Variants in ARNT2 observed in about 807,000 individuals in gnomAD.
ARNT2 encodes the protein aryl hydrocarbon receptor nuclear translocator 2.
Under a neutral mutation model 91.7 loss-of-function variants are expected in ARNT2, and 36 were observed. That is an observed-to-expected ratio of 0.39 (90% CI 0.30 to 0.52). The LOEUF (loss-of-function observed/expected upper bound fraction) is 0.52, where lower values mean the gene tolerates loss of function less well. Ranked by LOEUF, ARNT2 falls within the 20% of genes least tolerant of loss-of-function variation. ARNT2 has a pLI of 0.72. For missense variants in ARNT2, 775 were observed against 939.3 expected (o/e 0.83, Z 2.29); for synonymous variants, 365 against 347.1 (o/e 1.05, Z -0.57).
intron 2 of ARNT2, among the ~76,000 whole-genome samples, chr15:80,454,775 C>G (rs1473290755): frequency 6.6e-6 from 1 of 152,186 alleles, no homozygotes; most frequent in Non-Finnish European, 1.5e-5. Flanking sequence ...TTTGATGAAG[C>G]ATTATTATGA....
intron 2 of ARNT2, among the ~76,000 whole-genome samples, chr15:80,451,656 A>G (rs1896393068): frequency 6.6e-6 from 1 of 152,016 alleles, no homozygotes; most frequent in Admixed American, 6.6e-5. Flanking sequence ...CCAACCAACC[A>G]ACCAACCAAC....
chr15:80,432,129 ATC>A (rs1896019871), intron 1 of ARNT2, among the ~76,000 whole-genome samples: 1 of 152,240 alleles, frequency 6.6e-6, no homozygotes, highest in East Asian at 1.9e-4. Context: ...AAAATGCAGC[ATC>A]TGTTTCCCAT....
chr15:80,499,353 C>G (rs527726788), intron 5 of ARNT2, among the ~76,000 whole-genome samples: 10 of 152,260 alleles, frequency 6.6e-5, no homozygotes, highest in Admixed American at 3.3e-4. Flanking sequence ...GAATACCTAG[C>G]CCTTAGTAGA....
intron 11 of ARNT2, among the ~76,000 whole-genome samples, chr15:80,557,386 C>A (rs1449796020): frequency 2.0e-5 from 3 of 152,190 alleles, no homozygotes; most frequent in African/African-American, 7.2e-5. Flanking sequence ...GACTCCAGCC[C>A]AGACTGTCCC....
Position 80,580,505 on chromosome 15 carries a change from A to T in ARNT2, c.1708A>T (p.Ser570Cys). 1 of 1,614,186 alleles carries T rather than the reference A, an allele frequency of 6.2e-7. No individual in the cohort carries two copies. Among genetic ancestry groups the T allele is most frequent in the Non-Finnish European group, 8.5e-7 (1 of 1,180,028 alleles). The change falls in exon 16 of 19, where the codon AGT becomes TGT. Residue 570 changes from serine to cysteine, a missense_variant. Ser to Cys is a moderately radical substitution (Grantham distance 112, BLOSUM62 -1). Around this residue, in one of 5 missense-constraint regions of ARNT2, gnomAD observed 325 missense variants for 359.9 expected, o/e 0.90. Transcript: ENST00000303329. ...CCAAATCTCCCGGCAGCTAAACCAG[A>T]GTCAGGTGGCATGGACAGGGAGTCG... is the stretch of plus-strand genomic sequence containing the variant. ...MSQISRQLNQ[S>C]QVAWTGSRPP...
chr15:80,407,444 G>A (rs1286189409), intron 1 of ARNT2, among the ~76,000 whole-genome samples: 1 of 152,168 alleles, frequency 6.6e-6, no homozygotes, highest in Admixed American at 6.5e-5. Context: ...GGGGTTTTAG[G>A]TTAGGATTCT....
intron 6 of ARNT2, among the ~76,000 whole-genome samples, chr15:80,509,560 A>T (rs1897315586): frequency 6.6e-6 from 1 of 152,202 alleles, no homozygotes; most frequent in East Asian, 1.9e-4. Context: ...AAGTAAATAT[A>T]TGGAACATCA....
rs567364642 is a variant in ARNT2, at chr15:80,422,977, G to A, written c.31+18431G>A. The stretch of plus-strand genomic sequence containing the variant: ...AGAATAAAAATTTTAAAAAGAAAAC[G>A]TGTTCCTAACTTACGTATCATACTT... On this transcript the variant is annotated intron_variant, in intron 1 of 18. Coordinates refer to ENST00000303329, the MANE Select transcript of ARNT2 (RefSeq NM_014862.4). Among the ~76,000 whole-genome samples, 8 of 152,230 alleles carry A rather than the reference G, an allele frequency of 5.3e-5. No individual in the cohort carries two copies. The East Asian group carries it at 7.7e-4, about 15-fold the overall frequency.
Position 80,450,484 on chromosome 15 carries a change from G to C in ARNT2, c.32-396G>C, listed in dbSNP as rs186017270. Among the ~76,000 whole-genome samples, 170 of 152,338 alleles carry C rather than the reference G, an allele frequency of 1.1e-3. 1 individual carries two copies. The highest frequency in any genetic ancestry group is 1.9e-3 in the Non-Finnish European group (132 of 68,032). ...GCAGCAGGGCGTTGCCTCTCAGGGCGTGTGCCCCATCTGGGTTACCAGGAG... is the reference window on the plus strand; with the variant it reads ...GCAGCAGGGCGTTGCCTCTCAGGGCCTGTGCCCCATCTGGGTTACCAGGAG... On this transcript the variant is annotated intron_variant, in intron 1 of 18. Coordinates refer to ENST00000303329, the MANE Select transcript of ARNT2 (RefSeq NM_014862.4).
chr15:80,429,349 C>T (rs1031551447), intron 1 of ARNT2, among the ~76,000 whole-genome samples: 23 of 152,200 alleles, frequency 1.5e-4, no homozygotes, highest in South Asian at 6.2e-4. Flanking sequence ...GATTTAATCT[C>T]TCGCACCTTC....
intron 12 of ARNT2, among the ~76,000 whole-genome samples, chr15:80,566,591 C>G (rs183863501): frequency 3.3e-5 from 5 of 152,232 alleles, no homozygotes; most frequent in African/African-American, 9.6e-5. Flanking sequence ...CCCTGCCAGA[C>G]GTGTCTGTGG....
At chr15:80,539,699 T>C (rs577539065) in intron 8 of ARNT2, among the ~76,000 whole-genome samples, 10 of 152,154 alleles carry the variant, frequency 6.6e-5, no homozygotes, top group African/African-American at 1.9e-4. Flanking sequence ...CCTAATCCAG[T>C]CACTGGAAAA....
intron 2 of ARNT2, among the ~76,000 whole-genome samples, chr15:80,456,688 G>T (rs1415864728): frequency 6.6e-6 from 1 of 152,072 alleles, no homozygotes; most frequent in Admixed American, 6.5e-5. Flanking sequence ...GCCATTTCCT[G>T]GTAACCTGGG....
In ARNT2 at chr15:80,456,038, T is replaced by G. The variant is rs559583585; in HGVS notation, c.147-1891T>G. ...CTGCAGAACACCGGGTGAATTTGGT[T>G]ACAGCATTTTTGGTGCTTACCTTCG... is the stretch of plus-strand genomic sequence containing the variant. On this transcript the variant is annotated intron_variant, in intron 2 of 18. Transcript: ENST00000303329. Among the ~76,000 whole-genome samples, 5 of 152,304 alleles carry G rather than the reference T, an allele frequency of 3.3e-5. No homozygotes were observed. The South Asian group carries it at 8.3e-4, about 25-fold the overall frequency.
At chr15:80,445,553 G>A (rs150971015) in intron 1 of ARNT2, among the ~76,000 whole-genome samples, 68 of 152,004 alleles carry the variant, frequency 4.5e-4, no homozygotes, top group Non-Finnish European at 8.0e-4. Flanking sequence ...TGTGTGACGT[G>A]TGTGTTGGTG....
intron 1 of ARNT2, among the ~76,000 whole-genome samples, chr15:80,426,494 C>A (rs1895933781): frequency 6.6e-6 from 1 of 152,180 alleles, no homozygotes; most frequent in South Asian, 2.1e-4. Flanking sequence ...TAGCAAAACA[C>A]AGTCTCTCAA....
intron 8 of ARNT2, among the ~76,000 whole-genome samples, chr15:80,531,044 A>G (rs1330888556): frequency 1.3e-5 from 2 of 152,248 alleles, no homozygotes; most frequent in Non-Finnish European, 2.9e-5. Flanking sequence ...AAAACTTACT[A>G]ATATTCCTCT....
chr15:80,433,138 C>A (rs1223630818), intron 1 of ARNT2, among the ~76,000 whole-genome samples: 1 of 151,774 alleles, frequency 6.6e-6, no homozygotes, highest in Non-Finnish European at 1.5e-5. Context: ...GATTTTAGAT[C>A]TGTGGAAGGA....
intron 8 of ARNT2, among the ~76,000 whole-genome samples, chr15:80,534,525 G>A (rs559664630): frequency 1.3e-5 from 2 of 152,106 alleles, no homozygotes; most frequent in East Asian, 1.9e-4. Flanking sequence ...AGCACTTCTC[G>A]TTCTAGACTT....
Sources: allele counts gnomAD v4.1 joint callset (sites outside exome capture counted in the v4.1 genomes callset), GRCh38; gene constraint gnomAD v4.1.1; regional missense constraint gnomAD v4.1.1; transcripts MANE v1.5; gene names NCBI Gene and HGNC (gene_info 2026-07-23, HGNC 2026-07-21).